RAD17: variants seen among roughly 807,000 people sequenced by gnomAD.
The protein encoded by RAD17 is cell cycle checkpoint protein RAD17.
RAD17 carries 31 observed loss-of-function variants against 81.5 expected under a neutral mutation model. The ratio of observed to expected loss-of-function variants is 0.38; its 90% CI spans 0.29 to 0.51. The LOEUF is 0.51. Among genes scored for constraint, RAD17 ranks in the 20% least tolerant of loss-of-function variants. The pLI is 0.88. For synonymous variants in RAD17, 261 were observed against 266.2 expected (o/e 0.98, Z 0.19); for missense variants, 681 against 781.2 (o/e 0.87, Z 1.53).
Position 69,386,281 on chromosome 5 carries a change from AAG to A in RAD17, c.803_804del (p.Glu268ValfsTer7), listed in dbSNP as rs1404517467. On this transcript the variant is annotated frameshift_variant, in exon 10 of 19. Coordinates refer to ENST00000354868, the MANE Select transcript of RAD17 (RefSeq NM_133338.3). LOFTEE classifies it high-confidence loss of function. ...TTATTGTTTCCCAAAGAAATTCAGG[AAG>A]AGTGTTCTATCTCAAATATTAGGTA... 1 of 1,605,650 alleles carries A rather than the reference AAG, an allele frequency of 6.2e-7. No individual in the cohort carries two copies. The highest frequency in any genetic ancestry group is 1.3e-5 in the African/African-American group (1 of 74,800).
chr5:69,393,829 C>T (rs1329251923), intron 15 of RAD17, among the ~76,000 whole-genome samples: 1 of 150,860 alleles, frequency 6.6e-6, no homozygotes, highest in East Asian at 1.9e-4. Context: ...CCTGAGCCTC[C>T]GAAAGTGCTG....
intron 6 of RAD17, among the ~76,000 whole-genome samples, chr5:69,377,179 C>G (rs1763387174): frequency 6.6e-6 from 1 of 151,976 alleles, no homozygotes; most frequent in Non-Finnish European, 1.5e-5. Flanking sequence ...TCTGATGTTT[C>G]ATAGAAATCT....
intron 5 of RAD17, 43 bp from the exon 6 acceptor site, chr5:69,374,585 T>C: frequency 1.4e-6 from 2 of 1,473,366 alleles, no homozygotes; most frequent in Non-Finnish European, 9.4e-7. Flanking sequence ...CAAAAAATCT[T>C]CAGTTAAGAA....
intron 17 of RAD17, among the ~76,000 whole-genome samples, chr5:69,406,169 A>G (rs1165947656): frequency 6.6e-6 from 1 of 152,210 alleles, no homozygotes; most frequent in Non-Finnish European, 1.5e-5. Flanking sequence ...TTGGATGAGG[A>G]AAACATGGTA....
At chr5:69,377,453 A>ATATATG (rs1327251296) in intron 6 of RAD17, among the ~76,000 whole-genome samples, 3 of 7,696 alleles carry the variant, frequency 3.9e-4, no homozygotes, top group South Asian at 0.011. Flanking sequence ...ATATATATAT[A>ATATATG]TATATATATA....
chr5:69,400,359 A>G (rs1029969190), intron 17 of RAD17, among the ~76,000 whole-genome samples, 190 bp downstream of exon 17: 1 of 151,852 alleles, frequency 6.6e-6, no homozygotes, highest in Non-Finnish European at 1.5e-5. Context: ...CTGGGACCAC[A>G]GGCACGCGCC....
chr5:69,374,595 A>C (rs1250076619), intron 5 of RAD17, 33 bp from the exon 6 acceptor site: 3 of 1,533,428 alleles, frequency 2.0e-6, no homozygotes, highest in Non-Finnish European at 2.7e-6. Flanking sequence ...TCAGTTAAGA[A>C]GTTTTGTTTT....
At chr5:69,391,566 A>G (rs951823020) in intron 12 of RAD17, among the ~76,000 whole-genome samples, 24 of 152,214 alleles carry the variant, frequency 1.6e-4, no homozygotes, top group African/African-American at 5.8e-4. Context: ...TGGATCAGGA[A>G]TGTCAGCCTA....
chr5:69,381,872 T>A, intron 6 of RAD17, 29 bp from the exon 7 acceptor site: 2 of 1,521,268 alleles, frequency 1.3e-6, no homozygotes, highest in Non-Finnish European at 1.8e-6. Flanking sequence ...TGATTTTGGT[T>A]TTTAATTCAT....
intron 4 of RAD17, 123 bp downstream of exon 4, chr5:69,372,340 C>A: frequency 1.1e-6 from 1 of 871,830 alleles, no homozygotes; most frequent in Non-Finnish European, 1.8e-6. Flanking sequence ...ATTTATAAGC[C>A]CCAAATTGTC....
intron 6 of RAD17, among the ~76,000 whole-genome samples, chr5:69,377,674 TATGC>T (rs1763579966): frequency 2.6e-5 from 1 of 38,630 alleles, no homozygotes; most frequent in Non-Finnish European, 8.5e-5. Context: ...TACATATATA[TATGC>T]ATATATATAT....
intron 12 of RAD17, among the ~76,000 whole-genome samples, chr5:69,389,714 C>T (rs528183617): frequency 1.3e-5 from 2 of 152,214 alleles, no homozygotes; most frequent in African/African-American, 4.8e-5. Flanking sequence ...GATCTTGGCT[C>T]ACTGCAAGCT....
At chr5:69,376,060 T>C (rs559066447) in intron 6 of RAD17, among the ~76,000 whole-genome samples, 1 of 152,188 alleles carries the variant, frequency 6.6e-6, no homozygotes, top group African/African-American at 2.4e-5. Flanking sequence ...TTTGCAAGAA[T>C]AAAGGTCATG....
At chr5:69,411,862 T>C (rs748107074) in intron 18 of RAD17, among the ~76,000 whole-genome samples, 14 of 152,230 alleles carry the variant, frequency 9.2e-5, no homozygotes, top group Non-Finnish European at 7.3e-5. Flanking sequence ...TGTATTGAGT[T>C]GCTGCAATTT....
chr5:69,374,164 T>C, intron 5 of RAD17, 77 bp downstream of exon 5: 1 of 1,273,896 alleles, frequency 7.8e-7, no homozygotes, highest in Non-Finnish European at 1.1e-6. Context: ...CAGAGGGATT[T>C]ACATTTTCAG....
At chr5:69,377,562 T>TATATATGC (rs1554038714) in intron 6 of RAD17, among the ~76,000 whole-genome samples, 2 of 3,618 alleles carry the variant, frequency 5.5e-4, no homozygotes, top group African/African-American at 1.5e-3. Context: ...TATATATGTA[T>TATATATGC]ATATATATGC....
At chr5:69,383,377 A>G (rs755355018) in intron 7 of RAD17, among the ~76,000 whole-genome samples, 4 of 150,114 alleles carry the variant, frequency 2.7e-5, no homozygotes, top group Non-Finnish European at 5.9e-5. Flanking sequence ...TATTATTATT[A>G]TTACTATTAT....
chr5:69,381,654 T>G (rs555391789), intron 6 of RAD17, among the ~76,000 whole-genome samples: 1 of 152,222 alleles, frequency 6.6e-6, no homozygotes, highest in South Asian at 2.1e-4. Flanking sequence ...GTTGAAGAAT[T>G]AAGATTCTCT....
Position 69,370,834 on chromosome 5 carries a change from A to G in RAD17, c.-416-201A>G, listed in dbSNP as rs1272061277. On this transcript the variant is annotated intron_variant, in intron 1 of 18. Transcript: ENST00000354868. The stretch of plus-strand genomic sequence containing the variant: ...GTGCCTCCAAACTGTAAAGTAGTCC[A>G]GTATACTTTCCAATGTATAAGTTTG... The G allele has an allele frequency of 4.3e-5, 9 of 209,584 alleles. 1 individual carries two copies. Among genetic ancestry groups the G allele is most frequent in the Non-Finnish European group, 9.9e-6 (1 of 101,460 alleles). 13.0% of individuals were successfully genotyped at this position (209,584 alleles called of 1,614,324 possible).
Sources: gnomAD v4.1 joint callset for allele counts (sites outside exome capture counted in the v4.1 genomes callset) on GRCh38, gnomAD v4.1.1 for gene constraint, MANE v1.5 for transcripts, NCBI Gene and HGNC (gene_info 2026-07-23, HGNC 2026-07-21) for gene names.